The following KCNIP4 variants were observed in gnomAD, a reference collection of about 807,000 sequenced individuals.
The protein encoded by KCNIP4 is potassium voltage-gated channel interacting protein 4, also known as Kv channel-interacting protein 4.
A neutral mutation model predicts 34.0 loss-of-function variants in KCNIP4; 12 were observed. The observed-to-expected ratio is 0.35, with a 90% CI of 0.23 to 0.57. The LOEUF (loss-of-function observed/expected upper bound fraction) is 0.57, where lower values mean the gene tolerates loss of function less well. Ranked by LOEUF, KCNIP4 falls within the 20% of genes least tolerant of loss-of-function variation. The probability of loss-of-function intolerance (pLI) is 0.83; values close to 1 mark genes in which losing one functional copy is unlikely to be tolerated. For synonymous variants in KCNIP4, 124 were observed against 102.2 expected (o/e 1.21, Z -1.29); for missense variants, 238 against 311.7 (o/e 0.76, Z 1.78).
intron 1 of KCNIP4, among the ~76,000 whole-genome samples, chr4:21,587,103 C>T (rs1039011764): frequency 2.0e-5 from 3 of 152,006 alleles, no homozygotes; most frequent in African/African-American, 7.2e-5. Context: ...ACATCAACAC[C>T]AACTAGAGAT....
chr4:21,182,487 A>C (rs1754914232), intron 1 of KCNIP4, among the ~76,000 whole-genome samples: 1 of 150,878 alleles, frequency 6.6e-6, no homozygotes, highest in Non-Finnish European at 1.5e-5. Context: ...TAATACATTT[A>C]AGGGGTACAA....
chr4:20,846,054 A>T (rs1720329488), intron 3 of KCNIP4, among the ~76,000 whole-genome samples: 1 of 152,224 alleles, frequency 6.6e-6, no homozygotes, highest in Non-Finnish European at 1.5e-5. Context: ...AAATGAATGT[A>T]AACATCTTTC....
At chr4:21,146,591 T>C (rs1316780002) in intron 1 of KCNIP4, among the ~76,000 whole-genome samples, 1 of 152,174 alleles carries the variant, frequency 6.6e-6, no homozygotes, top group African/African-American at 2.4e-5. Context: ...TATGTCACAG[T>C]CATACAGTTC....
At chr4:21,573,729 TA>T (rs1740522299) in intron 1 of KCNIP4, among the ~76,000 whole-genome samples, 1 of 152,110 alleles carries the variant, frequency 6.6e-6, no homozygotes, top group South Asian at 2.1e-4. Flanking sequence ...TATCTTCATC[TA>T]GGGGTGAATG....
At chr4:21,466,529 T>C (rs1267296471) in intron 1 of KCNIP4, among the ~76,000 whole-genome samples, 2 of 152,152 alleles carry the variant, frequency 1.3e-5, no homozygotes, top group East Asian at 1.9e-4. Flanking sequence ...ATCACAATGA[T>C]AAGCTGTGGC....
At chr4:21,269,513 T>C (rs918857071) in intron 1 of KCNIP4, among the ~76,000 whole-genome samples, 3 of 152,024 alleles carry the variant, frequency 2.0e-5, no homozygotes, top group Admixed American at 6.6e-5. Context: ...TCCAGCAATC[T>C]TCCCACCTCG....
At chr4:20,774,386 A>G (rs907452108) in intron 3 of KCNIP4, among the ~76,000 whole-genome samples, 11 of 152,154 alleles carry the variant, frequency 7.2e-5, no homozygotes, top group African/African-American at 2.7e-4. Context: ...CTTATGAGCC[A>G]CTCATATCAC....
chr4:21,879,952 C>T (rs963356249), intron 1 of KCNIP4, among the ~76,000 whole-genome samples: 3 of 151,946 alleles, frequency 2.0e-5, no homozygotes, highest in Admixed American at 6.6e-5. Flanking sequence ...GCCTTCTTGC[C>T]GTCATGCAAA....
intron 1 of KCNIP4, among the ~76,000 whole-genome samples, chr4:21,176,354 A>G (rs568191214): frequency 3.3e-5 from 5 of 152,250 alleles, no homozygotes; most frequent in African/African-American, 1.2e-4. Context: ...GGGGACCAAA[A>G]GAGGCCTGAC....
In KCNIP4 at chr4:21,741,914, G is replaced by A. The variant is rs185189268; in HGVS notation, c.61+206657C>T. ...TAGCTGGGCATGGTGACGCACGCCT[G>A]CAGTCCCAGCTACTCGGGAGGATAA... On this transcript the variant is annotated intron_variant, in intron 1 of 8. Transcript: ENST00000382152. 1.8e-3 allele frequency among the ~76,000 whole-genome samples: 274 copies of A among 152,140 alleles called. 1 individual carries two copies. Among genetic ancestry groups the A allele is most frequent in the African/African-American group, 6.3e-3 (262 of 41,518 alleles).
intron 1 of KCNIP4, among the ~76,000 whole-genome samples, chr4:21,779,735 C>T (rs976579198): frequency 6.6e-5 from 10 of 151,960 alleles, no homozygotes. Flanking sequence ...AGATCCCATA[C>T]CTACTACACG....
At chr4:21,402,365 G>T (rs777277825) in intron 1 of KCNIP4, among the ~76,000 whole-genome samples, 3 of 152,098 alleles carry the variant, frequency 2.0e-5, no homozygotes, top group Non-Finnish European at 4.4e-5. Context: ...GTAATACTTT[G>T]TCTCTTCATA....
At chr4:21,339,930 C>A (rs1716579788) in intron 1 of KCNIP4, among the ~76,000 whole-genome samples, 1 of 152,106 alleles carries the variant, frequency 6.6e-6, no homozygotes, top group Non-Finnish European at 1.5e-5. Context: ...TTCCTCTACT[C>A]TTGTATTCTC....
intron 1 of KCNIP4, among the ~76,000 whole-genome samples, chr4:20,922,976 C>T (rs893925610): frequency 1.3e-4 from 20 of 151,358 alleles, no homozygotes; most frequent in Non-Finnish European, 2.2e-4. Flanking sequence ...TGTGTGTGTG[C>T]GTGTGTGTGA....
chr4:21,877,545 T>A (rs1726199885), intron 1 of KCNIP4, among the ~76,000 whole-genome samples: 1 of 152,102 alleles, frequency 6.6e-6, no homozygotes, highest in Non-Finnish European at 1.5e-5. Flanking sequence ...CTCTGTATCT[T>A]AAGTCTCTCC....
At chr4:21,269,319 T>C (rs1045789972) in intron 1 of KCNIP4, among the ~76,000 whole-genome samples, 2 of 152,218 alleles carry the variant, frequency 1.3e-5, no homozygotes, top group African/African-American at 4.8e-5. Context: ...GTAAGTGTGA[T>C]GCGGACTATA....
chr4:21,189,319 CT>C (rs568944227), intron 1 of KCNIP4, among the ~76,000 whole-genome samples: 3 of 152,214 alleles, frequency 2.0e-5, no homozygotes, highest in Admixed American at 6.5e-5. Flanking sequence ...ATCCATATGC[CT>C]TTTTGAAATA....
chr4:21,912,837 T>C (rs1728415532), intron 1 of KCNIP4, among the ~76,000 whole-genome samples: 1 of 149,778 alleles, frequency 6.7e-6, no homozygotes, highest in Non-Finnish European at 1.5e-5. Context: ...CATAATATAA[T>C]ATACAGAGAG....
chr4:20,859,037 G>A (rs1381990154), intron 2 of KCNIP4, among the ~76,000 whole-genome samples: 2 of 152,150 alleles, frequency 1.3e-5, no homozygotes, highest in East Asian at 3.9e-4. Flanking sequence ...GGGGATAAAA[G>A]ATTTTAAATC....
Sources: allele counts gnomAD v4.1 joint callset (sites outside exome capture counted in the v4.1 genomes callset), GRCh38; gene constraint gnomAD v4.1.1; transcripts MANE v1.5; gene names NCBI Gene and HGNC (gene_info 2026-07-23, HGNC 2026-07-21).